Variants in MCTP2 observed in about 807,000 individuals in gnomAD.
The protein encoded by MCTP2 is multiple C2 and transmembrane domain containing 2, also known as multiple C2 and transmembrane domain-containing protein 2.
In MCTP2, 132 loss-of-function variants were observed where a neutral mutation model predicts 111.6. The ratio of observed to expected loss-of-function variants is 1.18; its 90% CI spans 1.03 to 1.37. The LOEUF (loss-of-function observed/expected upper bound fraction) is 1.37. Ranked by LOEUF, MCTP2 falls within the 40% of genes most tolerant of loss-of-function variation. The probability of loss-of-function intolerance (pLI) is 0.00; values close to 1 mark genes in which losing one functional copy is unlikely to be tolerated. For synonymous variants in MCTP2, 395 were observed against 387.7 expected, an observed-to-expected ratio of 1.02 and a Z score of -0.22; for missense variants, 1,183 against 1,067.9, an observed-to-expected ratio of 1.11 and a Z score of -1.50.
intron 12 of MCTP2, among the ~76,000 whole-genome samples, chr15:94,382,913 C>A (rs548691379): frequency 6.6e-6 from 1 of 152,376 alleles, no homozygotes; most frequent in South Asian, 2.1e-4. Flanking sequence ...CCGCCAAACA[C>A]AGCAAAAGGG....
chr15:94,380,104 T>C (rs1442721432), intron 12 of MCTP2, among the ~76,000 whole-genome samples: 3 of 152,048 alleles, frequency 2.0e-5, no homozygotes, highest in African/African-American at 7.2e-5. Flanking sequence ...TTTCATGCTC[T>C]CGTCTGCATT....
intron 1 of MCTP2, among the ~76,000 whole-genome samples, chr15:94,278,698 AG>A (rs2074332988): frequency 9.0e-6 from 1 of 111,368 alleles, no homozygotes; most frequent in Non-Finnish European, 1.8e-5. Flanking sequence ...AGTACCTAAC[AG>A]GTAGTTTTTT....
At chr15:94,323,690 C>A (rs1034743866) in intron 4 of MCTP2, among the ~76,000 whole-genome samples, 2 of 152,154 alleles carry the variant, frequency 1.3e-5, no homozygotes, top group African/African-American at 2.4e-5. Context: ...AAGAACGAGT[C>A]TTACTCTGAT....
intron 20 of MCTP2, among the ~76,000 whole-genome samples, chr15:94,467,879 T>A (rs2073530015): frequency 2.7e-5 from 3 of 110,822 alleles, no homozygotes; most frequent in Admixed American, 2.6e-4. Flanking sequence ...TATACAAATG[T>A]AGAAATTCAA....
intron 1 of MCTP2, among the ~76,000 whole-genome samples, chr15:94,244,116 T>G (rs2071463060): frequency 6.8e-6 from 1 of 146,630 alleles, no homozygotes; most frequent in East Asian, 2.0e-4. Context: ...GTGTATATGT[T>G]TATATACACA....
chr15:94,478,924 G>C (rs1220664583), intron 22 of MCTP2, 42 bp from the exon 23 acceptor site: 1 of 1,598,708 alleles, frequency 6.3e-7, no homozygotes, highest in Non-Finnish European at 8.6e-7. Context: ...TGGCGAGCTA[G>C]GGTTACCTAA....
At chr15:94,250,609 T>C (rs974079617) in intron 1 of MCTP2, among the ~76,000 whole-genome samples, 4 of 152,234 alleles carry the variant, frequency 2.6e-5, no homozygotes, top group East Asian at 1.9e-4. Flanking sequence ...CTGAGAGTTA[T>C]CTATTTTTTT....
intron 17 of MCTP2, among the ~76,000 whole-genome samples, chr15:94,408,754 A>T (rs1019314056): frequency 1.3e-5 from 2 of 152,260 alleles, no homozygotes; most frequent in Non-Finnish European, 2.9e-5. Context: ...AATCATAGCT[A>T]GATCGACTGA....
chr15:94,244,068 GTA>G (rs1261794727), intron 1 of MCTP2, among the ~76,000 whole-genome samples: 5 of 143,742 alleles, frequency 3.5e-5, no homozygotes, highest in African/African-American at 1.3e-4. Context: ...ATACATATGT[GTA>G]TATATTTATG....
At chr15:94,409,452 G>A (rs1317164171) in intron 17 of MCTP2, among the ~76,000 whole-genome samples, 1 of 151,928 alleles carries the variant, frequency 6.6e-6, no homozygotes, top group Non-Finnish European at 1.5e-5. Flanking sequence ...ACTCAAATAT[G>A]AATATATATA....
chr15:94,318,874 T>C (rs1191591727), intron 4 of MCTP2, among the ~76,000 whole-genome samples: 1 of 152,224 alleles, frequency 6.6e-6, no homozygotes, highest in Non-Finnish European at 1.5e-5. Context: ...TTGTCATCTC[T>C]CTCTGCAGAG....
intron 12 of MCTP2, among the ~76,000 whole-genome samples, chr15:94,373,154 C>A (rs1352012782): frequency 1.3e-5 from 2 of 151,996 alleles, no homozygotes; most frequent in Non-Finnish European, 1.5e-5. Context: ...CACCTCTTTT[C>A]GAATAACCAT....
intron 4 of MCTP2, among the ~76,000 whole-genome samples, chr15:94,322,894 G>C (rs1269327152): frequency 6.6e-6 from 1 of 152,164 alleles, no homozygotes; most frequent in East Asian, 1.9e-4. Context: ...AGTGCTTAGA[G>C]GGTATGTGAT....
At chr15:94,431,878 T>C (rs947620091) in intron 17 of MCTP2, among the ~76,000 whole-genome samples, 17 of 152,238 alleles carry the variant, frequency 1.1e-4, no homozygotes, top group African/African-American at 4.1e-4. Context: ...ATTTTATCTT[T>C]ATTATGACAA....
intron 17 of MCTP2, among the ~76,000 whole-genome samples, chr15:94,408,058 G>A (rs969024353): frequency 4.6e-5 from 7 of 152,050 alleles, no homozygotes; most frequent in Non-Finnish European, 7.4e-5. Flanking sequence ...TGATGCTTTC[G>A]ATATTTATGT....
At chr15:94,390,072 A>ATG (rs1555464846) in intron 14 of MCTP2, among the ~76,000 whole-genome samples, 2,483 of 16,458 alleles carry the variant, frequency 0.15, 82 homozygotes, top group Non-Finnish European at 0.27. Flanking sequence ...ATATATATAT[A>ATG]TATATATATA....
At chr15:94,337,016 C>G (rs575779270) in intron 4 of MCTP2, among the ~76,000 whole-genome samples, 2 of 152,218 alleles carry the variant, frequency 1.3e-5, no homozygotes, top group South Asian at 4.1e-4. Context: ...TCCACCCATT[C>G]AGGTGTCATC....
intron 20 of MCTP2, among the ~76,000 whole-genome samples, chr15:94,467,492 T>G (rs2073476323): frequency 6.6e-6 from 1 of 152,074 alleles, no homozygotes; most frequent in Admixed American, 6.5e-5. Flanking sequence ...TACAGTTTAG[T>G]TTTTTACTGT....
intron 17 of MCTP2, among the ~76,000 whole-genome samples, chr15:94,417,112 A>T (rs1194613858): frequency 6.6e-6 from 1 of 152,070 alleles, no homozygotes; most frequent in Non-Finnish European, 1.5e-5. Flanking sequence ...CCTGAGTGCC[A>T]CTCCTAATTT....
Sources: allele counts gnomAD v4.1 joint callset (sites outside exome capture counted in the v4.1 genomes callset), GRCh38; gene constraint gnomAD v4.1.1; transcripts MANE v1.5; gene names NCBI Gene and HGNC (gene_info 2026-07-23, HGNC 2026-07-21).